Variants in ITPK1 observed in about 807,000 individuals in gnomAD.
ITPK1 encodes inositol-tetrakisphosphate 1-kinase, also known as inositol 1,3,4-trisphosphate 5/6-kinase.
Under a neutral mutation model 45.3 loss-of-function variants are expected in ITPK1, and 21 were observed. That is an observed-to-expected ratio of 0.46 (90% CI 0.33 to 0.67). The LOEUF is 0.67. Among genes scored for constraint, ITPK1 ranks in the 30% least tolerant of loss-of-function variants. The pLI is 0.02. For missense variants in ITPK1, 474 were observed against 573.5 expected (o/e 0.83, Z 1.77); for synonymous variants, 258 against 253.6 (o/e 1.02, Z -0.16).
At chr14:92,982,456 G>A (rs1595108869) in intron 5 of ITPK1, among the ~76,000 whole-genome samples, 1 of 152,310 alleles carries the variant, frequency 6.6e-6, no homozygotes, top group East Asian at 1.9e-4. Flanking sequence ...CACAGGACCT[G>A]TAGGAGCTGC....
intron 3 of ITPK1, among the ~76,000 whole-genome samples, chr14:93,038,623 G>A (rs1889422002): frequency 6.6e-6 from 1 of 152,152 alleles, no homozygotes. Context: ...CACCTCCTGG[G>A]TTCAAGCGAT....
In ITPK1 at chr14:93,104,462, C is replaced by CAAAAAAAAAA. The variant is rs35034223; in HGVS notation, c.95+10597_95+10606dup. 1.5e-3 allele frequency among the ~76,000 whole-genome samples: 213 copies of CAAAAAAAAAA among 145,990 alleles called. 1 individual carries two copies. Among genetic ancestry groups the CAAAAAAAAAA allele is most frequent in the African/African-American group, 5.2e-3 (205 of 39,756 alleles). On this transcript the variant is annotated intron_variant, in intron 2 of 10. Transcript: ENST00000267615. ...GGGTGACAATAGCGAAACTCCATCT[C>CAAAAAAAAAA]AAAAAAAAAAAGAACAGAACTCCTT...
chr14:93,037,503 C>A (rs1889372084), intron 3 of ITPK1, among the ~76,000 whole-genome samples: 1 of 152,238 alleles, frequency 6.6e-6, no homozygotes, highest in African/African-American at 2.4e-5. Context: ...GCCCCAGCCA[C>A]CTAGATGCAC....
At chr14:93,066,456 G>C in intron 3 of ITPK1, 1 of 330,096 alleles carries the variant, frequency 3.0e-6, no homozygotes, top group Non-Finnish European at 5.9e-6. Flanking sequence ...ACAGGCTAGA[G>C]TTCAGTGGCG....
rs569130938 is a variant in ITPK1 at position 92,978,797 on chromosome 14, C to T, written c.364+15083G>A. 4.6e-5 allele frequency among the ~76,000 whole-genome samples: 7 copies of T among 152,320 alleles called. No homozygotes were observed. The South Asian group carries it at 1.4e-3, about 32-fold the overall frequency. The stretch of plus-strand genomic sequence containing the variant: ...GTATGGAAACACCTGGATGTCCAGA[C>T]AGAAGTCTGCTGCAAGGGTGGAGCC... On this transcript the variant is annotated intron_variant, in intron 5 of 10. Transcript: ENST00000267615.
chr14:92,981,363 A>G (rs1029600031), intron 5 of ITPK1, among the ~76,000 whole-genome samples: 3 of 152,122 alleles, frequency 2.0e-5, no homozygotes, highest in Admixed American at 2.0e-4. Context: ...TCTCTCCCGC[A>G]GCACCAATAG....
chr14:92,946,475 C>T lies in ITPK1; in HGVS notation c.757G>A (p.Val253Met), dbSNP rs759637542. The T allele has an allele frequency of 4.3e-6, 7 of 1,612,646 alleles. No individual in the cohort carries two copies. Among genetic ancestry groups the T allele is most frequent in the Middle Eastern group, 1.6e-4 (1 of 6,080 alleles). The part of the protein sequence containing the change: ...VLTELDKIEG[V>M]FERPSDEVIR... ...ACCTCGTCGCTCGGCCGCTCGAACA[C>T]GCCCTCGATCTTGTCCAGCTGCCAA... The change falls in exon 10 of 11, where the codon GTG (valine) becomes ATG (methionine). Residue 253 changes from valine to methionine, a missense_variant. Physicochemically the swap from Val to Met is conservative, Grantham distance 21. Around this residue, in one of 2 missense-constraint regions of ITPK1, gnomAD observed 367 missense variants for 480.6 expected, o/e 0.76. Transcript: ENST00000267615.
At chr14:92,944,726 A>C (rs1294250592) in intron 10 of ITPK1, among the ~76,000 whole-genome samples, 1 of 152,034 alleles carries the variant, frequency 6.6e-6, no homozygotes, top group Non-Finnish European at 1.5e-5. Context: ...CGTCCCTTGC[A>C]TTATCCTGAA....
At chr14:93,103,395 T>C (rs931135811) in intron 2 of ITPK1, among the ~76,000 whole-genome samples, 8 of 151,320 alleles carry the variant, frequency 5.3e-5, no homozygotes, top group South Asian at 2.1e-4. Flanking sequence ...GCCTGGGCAA[T>C]AGAGCAAGAC....
chr14:92,968,063 C>T (rs1002843564), intron 5 of ITPK1, among the ~76,000 whole-genome samples: 3 of 152,176 alleles, frequency 2.0e-5, no homozygotes, highest in Admixed American at 2.0e-4. Flanking sequence ...GGCATGGTGG[C>T]TCACAACTGT....
At chr14:93,086,868 C>T (rs1190522897) in intron 2 of ITPK1, among the ~76,000 whole-genome samples, 1 of 152,240 alleles carries the variant, frequency 6.6e-6, no homozygotes, top group African/African-American at 2.4e-5. Flanking sequence ...AAACTTAAAC[C>T]ACAAGGCACC....
intron 3 of ITPK1, among the ~76,000 whole-genome samples, chr14:93,075,524 G>A (rs897439168): frequency 1.3e-5 from 2 of 152,126 alleles, no homozygotes; most frequent in East Asian, 1.9e-4. Context: ...AAACTACCAG[G>A]AGGGAGGTCA....
At chr14:93,006,024 C>T (rs1161535907) in intron 4 of ITPK1, among the ~76,000 whole-genome samples, 1 of 152,198 alleles carries the variant, frequency 6.6e-6, no homozygotes, top group African/African-American at 2.4e-5. Flanking sequence ...GGCTCCAGGC[C>T]ACTGGAACTG....
chr14:93,059,119 G>A (rs1283162090), intron 3 of ITPK1, among the ~76,000 whole-genome samples: 1 of 14,994 alleles, frequency 6.7e-5, no homozygotes, highest in African/African-American at 3.7e-4. Flanking sequence ...TGGAGGGGGT[G>A]CAGGTCACAA....
intron 3 of ITPK1, among the ~76,000 whole-genome samples, chr14:93,018,534 A>G (rs1161123693): frequency 6.6e-6 from 1 of 150,590 alleles, no homozygotes; most frequent in Non-Finnish European, 1.5e-5. Flanking sequence ...CCCTATATAG[A>G]AAAAAAAAAT....
At chr14:93,003,325 G>C (rs995614451) in intron 4 of ITPK1, among the ~76,000 whole-genome samples, 1 of 152,220 alleles carries the variant, frequency 6.6e-6, no homozygotes, top group Admixed American at 6.5e-5. Flanking sequence ...CACTGCAACC[G>C]TGAAACCAAC....
At chr14:92,942,277 G>A (rs1887468772) in intron 10 of ITPK1, among the ~76,000 whole-genome samples, 1 of 152,152 alleles carries the variant, frequency 6.6e-6, no homozygotes, top group Non-Finnish European at 1.5e-5. Flanking sequence ...GTGGCTGGAG[G>A]TAGCAGCACC....
At chr14:92,948,673 G>A (rs530748433) in intron 9 of ITPK1, among the ~76,000 whole-genome samples, 4 of 152,046 alleles carry the variant, frequency 2.6e-5, no homozygotes, top group East Asian at 1.9e-4. Flanking sequence ...AAAGCAGATC[G>A]ACAGGGCTGG....
intron 2 of ITPK1, among the ~76,000 whole-genome samples, chr14:93,089,186 A>G (rs33998003): frequency 0.16 from 23,910 of 152,180 alleles, 2,196 homozygotes; most frequent in South Asian, 0.28. Context: ...AGGGGCCCCA[A>G]GACCTGAGGA....
Sources: gnomAD v4.1 joint callset for allele counts (sites outside exome capture counted in the v4.1 genomes callset) on GRCh38, gnomAD v4.1.1 for gene constraint, gnomAD v4.1.1 regional missense constraint, MANE v1.5 for transcripts, NCBI Gene and HGNC (gene_info 2026-07-23, HGNC 2026-07-21) for gene names.